The following PC variants were observed in gnomAD, a reference collection of about 807,000 sequenced individuals.
PC encodes pyruvate carboxylase, mitochondrial.
In PC, 46 loss-of-function variants were observed where a neutral mutation model predicts 107.8. The observed-to-expected ratio is 0.43, with a 90% CI of 0.34 to 0.55. PC has a LOEUF of 0.55. PC is among the 20% of genes least tolerant of loss of function. PC has a pLI of 0.04. For missense variants in PC, 1,241 were observed against 1,643.1 expected (o/e 0.76, Z 4.23); for synonymous variants, 662 against 684.7 (o/e 0.97, Z 0.52).
At chr11:66,886,014 G>T (rs940274732) in intron 3 of PC, among the ~76,000 whole-genome samples, 2 of 152,222 alleles carry the variant, frequency 1.3e-5, no homozygotes, top group African/African-American at 2.4e-5. Flanking sequence ...GGCTTTCAGA[G>T]CATGTCGCTA....
intron 3 of PC, among the ~76,000 whole-genome samples, chr11:66,936,519 C>G (rs945008726): frequency 1.3e-5 from 2 of 152,094 alleles, no homozygotes; most frequent in African/African-American, 4.8e-5. Flanking sequence ...CCTTTGTGAG[C>G]AAAACATCTT....
At chr11:66,901,224 G>C (rs1216929337) in intron 3 of PC, among the ~76,000 whole-genome samples, 2 of 152,148 alleles carry the variant, frequency 1.3e-5, no homozygotes, top group Non-Finnish European at 2.9e-5. Flanking sequence ...GAGCCCTCTG[G>C]GTGGAGGCAC....
At chr11:66,953,335 T>C (rs1398230663) in intron 2 of PC, among the ~76,000 whole-genome samples, 1 of 152,190 alleles carries the variant, frequency 6.6e-6, no homozygotes. Flanking sequence ...TTGAAACTAA[T>C]AAGGAGCTGT....
At chr11:66,952,999 A>G (rs752103879) in intron 2 of PC, among the ~76,000 whole-genome samples, 4 of 152,208 alleles carry the variant, frequency 2.6e-5, no homozygotes, top group Non-Finnish European at 5.9e-5. Flanking sequence ...AATGGGAATA[A>G]TAACAATGCC....
intron 3 of PC, among the ~76,000 whole-genome samples, chr11:66,884,942 C>T (rs574964358): frequency 1.1e-4 from 17 of 152,280 alleles, no homozygotes; most frequent in African/African-American, 4.1e-4. Context: ...CAGGACATTT[C>T]CCGACCCTCT....
At chr11:66,921,132 A>C (rs867568588) in intron 3 of PC, among the ~76,000 whole-genome samples, 3 of 152,060 alleles carry the variant, frequency 2.0e-5, no homozygotes, top group South Asian at 4.1e-4. Flanking sequence ...GACTGCATCC[A>C]TTTATGTGCC....
chr11:66,936,686 C>A (rs1331013678), intron 3 of PC, among the ~76,000 whole-genome samples: 1 of 152,158 alleles, frequency 6.6e-6, no homozygotes, highest in Admixed American at 6.6e-5. Flanking sequence ...AAGAGAACAG[C>A]TGGCCAAGGA....
chr11:66,863,855 G>T lies in PC; in HGVS notation c.1287C>A (p.Val429=). 1 of 1,614,074 alleles carries T rather than the reference G, an allele frequency of 6.2e-7. No individual in the cohort carries two copies. The highest frequency in any genetic ancestry group is 8.5e-7 in the Non-Finnish European group (1 of 1,180,024). Residue 429 remains valine (V), a synonymous_variant, in exon 12 of 23, where the codon GTC becomes GTA. Coordinates refer to ENST00000393960, the MANE Select transcript of PC (RefSeq NM_001040716.2). ...SPHYDSLLVK[V]IAHGKDHPTA... is the part of the protein sequence containing the mutation. ...TGGGGTGGTCTTTGCCGTGGGCAAT[G>T]ACTTTGACCAGCAGGGAGTCGTAGT...
chr11:66,919,420 A>G (rs1375334430), intron 3 of PC, among the ~76,000 whole-genome samples: 2 of 152,232 alleles, frequency 1.3e-5, no homozygotes, highest in Non-Finnish European at 2.9e-5. Context: ...TGTCTCAAAA[A>G]TAAAACAATT....
At chr11:66,950,735 C>G (rs1248331141) in intron 3 of PC, among the ~76,000 whole-genome samples, 1 of 152,030 alleles carries the variant, frequency 6.6e-6, no homozygotes, top group Admixed American at 6.6e-5. Context: ...TAAAATATGG[C>G]AATTTTAAAA....
chr11:66,922,532 C>T (rs1435839703), intron 3 of PC, among the ~76,000 whole-genome samples: 2 of 124,560 alleles, frequency 1.6e-5, no homozygotes, highest in African/African-American at 6.2e-5. Context: ...GAGCCGAGAT[C>T]GAAAGAGCAA....
At chr11:66,851,001 C>G in intron 17 of PC, 39 bp downstream of exon 17, 1 of 1,610,196 alleles carries the variant, frequency 6.2e-7, no homozygotes, top group Non-Finnish European at 8.5e-7. Flanking sequence ...GGGACATGGC[C>G]GGGGCAGAGA....
intron 3 of PC, among the ~76,000 whole-genome samples, chr11:66,928,518 A>AATTATT (rs200179069): frequency 9.3e-5 from 14 of 151,262 alleles, no homozygotes; most frequent in South Asian, 2.1e-4. Context: ...TGTGAGCATT[A>AATTATT]ATTATTATTA....
At chr11:66,948,578 G>A (rs1408997885) in intron 3 of PC, among the ~76,000 whole-genome samples, 1 of 152,132 alleles carries the variant, frequency 6.6e-6, no homozygotes, top group East Asian at 1.9e-4. Context: ...AATGTATCAC[G>A]CCTGTAATCC....
intron 3 of PC, among the ~76,000 whole-genome samples, chr11:66,890,025 G>T (rs1402771007): frequency 6.6e-6 from 1 of 152,120 alleles, no homozygotes; most frequent in South Asian, 2.1e-4. Context: ...TGTACATGCC[G>T]AATGAGGGAC....
intron 9 of PC, among the ~76,000 whole-genome samples, chr11:66,869,277 C>T (rs1242744335): frequency 6.6e-6 from 1 of 151,912 alleles, no homozygotes; most frequent in Non-Finnish European, 1.5e-5. Flanking sequence ...CTGCTGCCTC[C>T]TGGGCTTGCC....
At chr11:66,883,554 C>T (rs143827026) in intron 3 of PC, among the ~76,000 whole-genome samples, 17 of 152,236 alleles carry the variant, frequency 1.1e-4, no homozygotes, top group African/African-American at 3.9e-4. Flanking sequence ...ATGAGGTCTC[C>T]GTGGCGTCTG....
In PC at chr11:66,858,213, C is replaced by T; in HGVS notation, c.1369-4830G>A. 6.2e-7 allele frequency: 1 copy of T among 1,612,522 alleles called. No individual in the cohort carries two copies. The highest frequency in any genetic ancestry group is 8.5e-7 in the Non-Finnish European group (1 of 1,179,900). Reference sequence around the variant, plus strand: ...GGACCTGGACCTGTCCTACAACAACCTCCGGCAGGTGCCCTGGGCCGGCAT... The same window carrying T: ...GGACCTGGACCTGTCCTACAACAACTTCCGGCAGGTGCCCTGGGCCGGCAT... On this transcript the variant is annotated intron_variant, in intron 12 of 22. Coordinates refer to ENST00000393960, the MANE Select transcript of PC (RefSeq NM_001040716.2). The surrounding 1 kb of genome is among the most constrained non-coding windows in gnomAD (Gnocchi z 5.9).
Position 66,851,136 on chromosome 11 carries a change from G to T in PC, c.2127C>A (p.Asp709Glu). Residue 709 changes from aspartate (D) to glutamate (E), a missense_variant, in exon 17 of 23, where the codon GAC (aspartate) becomes GAA (glutamate). By Grantham distance (45) the Asp-to-Glu change is conservative. Coordinates refer to ENST00000393960, the MANE Select transcript of PC (RefSeq NM_001040716.2). ...ACTTGGTGCGGCTGGGGTCGGCCACGTCGCCCGTGTATGAGATGGCAGCCT... is the reference window on the plus strand; with the variant it reads ...ACTTGGTGCGGCTGGGGTCGGCCACTTCGCCCGTGTATGAGATGGCAGCCT... ...VVEAAISYTG[D>E]VADPSRTKYS... The T allele has an allele frequency of 6.2e-7, 1 of 1,612,590 alleles. No homozygotes were observed. Among genetic ancestry groups the T allele is most frequent in the South Asian group, 1.1e-5 (1 of 91,092 alleles).
Sources: allele counts gnomAD v4.1 joint callset (sites outside exome capture counted in the v4.1 genomes callset), GRCh38; gene constraint gnomAD v4.1.1; non-coding constraint Gnocchi (gnomAD v3.1); transcripts MANE v1.5; gene names NCBI Gene and HGNC (gene_info 2026-07-23, HGNC 2026-07-21).